The following WDPCP variants were observed in gnomAD, a reference collection of about 807,000 sequenced individuals.
WDPCP encodes the protein WD repeat-containing and planar cell polarity effector protein fritz homolog.
A neutral mutation model predicts 93.1 loss-of-function variants in WDPCP; 71 were observed. The observed-to-expected ratio is 0.76, with a 90% confidence interval of 0.63 to 0.93. WDPCP has a LOEUF of 0.93. Among genes scored for constraint, WDPCP ranks in the 40% least tolerant of loss-of-function variants. WDPCP has a pLI of 0.00. For missense variants in WDPCP, 844 were observed against 887.4 expected (o/e 0.95, Z 0.62); for synonymous variants, 315 against 315.0 (o/e 1.00, Z 0.00).
chr2:63,420,550 G>A (rs1382656005), intron 9 of WDPCP, among the ~76,000 whole-genome samples: 7 of 144,560 alleles, frequency 4.8e-5, no homozygotes, highest in South Asian at 4.4e-4. Flanking sequence ...AAAAAAAAAA[G>A]AATGAAAGAA....
intron 2 of WDPCP, among the ~76,000 whole-genome samples, chr2:63,742,872 A>G (rs1406176714): frequency 6.6e-6 from 1 of 151,674 alleles, no homozygotes; most frequent in Non-Finnish European, 1.5e-5. Context: ...TAGCCTGTAA[A>G]GAATTTAAGG....
At chr2:63,489,577 T>C (rs973970542) in intron 2 of WDPCP, among the ~76,000 whole-genome samples, 2 of 151,724 alleles carry the variant, frequency 1.3e-5, no homozygotes, top group African/African-American at 4.8e-5. Flanking sequence ...ACAACATGAG[T>C]CTGGAACATT....
At chr2:63,518,702 G>T in intron 1 of WDPCP, 1 of 152,966 alleles carries the variant, frequency 6.5e-6, no homozygotes, top group Non-Finnish European at 1.5e-5. Flanking sequence ...GACAGGGCCA[G>T]TCCAACCTGA....
At chr2:63,362,277 T>TCGGGTGTGTGTGTG (rs1553362984) in intron 12 of WDPCP, among the ~76,000 whole-genome samples, 1 of 94,132 alleles carries the variant, frequency 1.1e-5, no homozygotes, top group Non-Finnish European at 1.9e-5. Flanking sequence ...TTTTTTTTGG[T>TCGGGTGTGTGTGTG]TGTGTGTGTG....
chr2:63,647,788 T>A (rs1710068361), intron 3 of WDPCP, among the ~76,000 whole-genome samples: 1 of 152,162 alleles, frequency 6.6e-6, no homozygotes, highest in African/African-American at 2.4e-5. Context: ...CTCTCTGTAT[T>A]ATCATTTTTT....
At chr2:63,615,423 C>A (rs994732860) in intron 3 of WDPCP, among the ~76,000 whole-genome samples, 3 of 152,082 alleles carry the variant, frequency 2.0e-5, no homozygotes, top group African/African-American at 7.2e-5. Flanking sequence ...ATAAGCAATG[C>A]GAAGAAGCTC....
chr2:63,760,113 G>A (rs375487917), intron 2 of WDPCP, among the ~76,000 whole-genome samples: 5 of 152,314 alleles, frequency 3.3e-5, no homozygotes, highest in African/African-American at 9.6e-5. Flanking sequence ...CCCCAAGTAC[G>A]TGCTCCATTG....
chr2:63,155,525 A>G (rs1672180613), intron 15 of WDPCP, among the ~76,000 whole-genome samples: 1 of 151,340 alleles, frequency 6.6e-6, no homozygotes. Flanking sequence ...TAATTTCTTG[A>G]TTAGTTATAG....
intron 1 of WDPCP, among the ~76,000 whole-genome samples, chr2:63,566,001 T>C (rs1379909205): frequency 6.6e-6 from 1 of 152,206 alleles, no homozygotes; most frequent in African/African-American, 2.4e-5. Flanking sequence ...TCATCTATAC[T>C]CAGTACTTTC....
At chr2:63,221,777 CTTG>C (rs1677855653) in intron 14 of WDPCP, among the ~76,000 whole-genome samples, 1 of 152,120 alleles carries the variant, frequency 6.6e-6, no homozygotes, top group Non-Finnish European at 1.5e-5. Context: ...TAGGTGTCCA[CTTG>C]TTGTTTCCTC....
At chr2:63,818,067 T>C (rs1410349968) in intron 1 of WDPCP, among the ~76,000 whole-genome samples, 2 of 152,220 alleles carry the variant, frequency 1.3e-5, no homozygotes, top group Non-Finnish European at 2.9e-5. Flanking sequence ...CTGTGAGATA[T>C]GCTAGGCACA....
chr2:63,298,367 C>T (rs1294805716), intron 13 of WDPCP, among the ~76,000 whole-genome samples: 5 of 151,638 alleles, frequency 3.3e-5, no homozygotes, highest in Non-Finnish European at 7.4e-5. Flanking sequence ...TTCTGGGTGT[C>T]GCCAGAAGAG....
At chr2:63,326,427 C>G (rs952699571) in intron 12 of WDPCP, among the ~76,000 whole-genome samples, 14 of 152,142 alleles carry the variant, frequency 9.2e-5, no homozygotes, top group Non-Finnish European at 1.9e-4. Flanking sequence ...AAGTAAGCCT[C>G]TTCCCCGAGG....
chr2:63,630,347 G>A (rs536133836), intron 3 of WDPCP, among the ~76,000 whole-genome samples: 12 of 151,870 alleles, frequency 7.9e-5, no homozygotes, highest in Non-Finnish European at 1.8e-4. Context: ...ATTGAAAGAA[G>A]GGATTTAAAA....
chr2:63,534,630 T>C (rs1399490025), intron 1 of WDPCP, among the ~76,000 whole-genome samples: 1 of 152,200 alleles, frequency 6.6e-6, no homozygotes, highest in Non-Finnish European at 1.5e-5. Flanking sequence ...TCTCAATAGA[T>C]GCAGAAAAGG....
At chr2:63,808,924 T>C (rs1455176157) in intron 2 of WDPCP, among the ~76,000 whole-genome samples, 1 of 149,378 alleles carries the variant, frequency 6.7e-6, no homozygotes, top group African/African-American at 2.5e-5. Flanking sequence ...CGCCATCCCA[T>C]CTAGGAAGTG....
intron 1 of WDPCP, among the ~76,000 whole-genome samples, chr2:63,574,935 T>A (rs1444153094): frequency 6.6e-6 from 1 of 152,216 alleles, no homozygotes; most frequent in East Asian, 1.9e-4. Context: ...GTACTTCAAC[T>A]GGCATAATAT....
intron 14 of WDPCP, among the ~76,000 whole-genome samples, chr2:63,235,475 C>T (rs1386217366): frequency 6.6e-6 from 1 of 152,058 alleles, no homozygotes; most frequent in African/African-American, 2.4e-5. Context: ...AAGTAGAAGG[C>T]AACTCCTTCT....
Position 63,611,342 on chromosome 2 carries a change from A to G in WDPCP, n.488+39317T>C, listed in dbSNP as rs185761026. 8.5e-5 allele frequency among the ~76,000 whole-genome samples: 13 copies of G among 152,282 alleles called. No homozygotes were observed. The East Asian group carries it at 2.5e-3, about 29-fold the overall frequency. On this transcript the variant is annotated intron_variant and non_coding_transcript_variant, in intron 3 of 4. Transcript: ENST00000467687. The stretch of plus-strand genomic sequence containing the variant: ...TCCTAAAACACAGCAGATTTTTTTT[A>G]ATACTGTTGAATCTAGTTTGTTATG...
Sources: gnomAD v4.1 joint callset for allele counts (sites outside exome capture counted in the v4.1 genomes callset) on GRCh38, gnomAD v4.1.1 for gene constraint, MANE v1.5 for transcripts, NCBI Gene and HGNC (gene_info 2026-07-23, HGNC 2026-07-21) for gene names.